The following MUC3A variants were observed in gnomAD, a reference collection of about 807,000 sequenced individuals.
MUC3A encodes mucin 3A, cell surface associated.
In MUC3A, 109 loss-of-function variants were observed where a neutral mutation model predicts 109.0. The observed-to-expected ratio is 1.00, with a 90% CI of 0.86 to 1.17. The LOEUF (loss-of-function observed/expected upper bound fraction) is 1.17. MUC3A is among the 50% of genes most tolerant of loss of function. MUC3A has a pLI of 0.00. For synonymous variants in MUC3A, 1,398 were observed against 981.4 expected (o/e 1.42, Z -7.93); for missense variants, 3,537 against 2,469.4 (o/e 1.43, Z -9.16).
At chr7:100,965,911 C>T (rs1563076325) in intron 8 of MUC3A, 45 bp downstream of exon 8, 1 of 1,552,874 alleles carries the variant, frequency 6.4e-7, no homozygotes, top group Non-Finnish European at 8.7e-7. Flanking sequence ...CCCTCCCACT[C>T]ATTCTAGGAT....
chr7:100,965,345 C>T lies in MUC3A; in HGVS notation c.9446C>T (p.Ala3149Val), dbSNP rs73714276. ...NNNSKTELTP[A>V]AICRRAAPTG... ...AACAGCAAGACAGAGCTGACCCCGG[C>T]AGGTAAGGGTGGGGTAAAGGGCTGA... The change falls in exon 7 of 12, where the codon GCA becomes GTA. Residue 3149 changes from alanine to valine, a missense_variant and splice_region_variant. Physicochemically the swap from Ala to Val is moderately conservative, Grantham distance 64. Coordinates refer to ENST00000379458, the MANE Select transcript of MUC3A (RefSeq NM_005960.2). The T allele has an allele frequency of 6.3e-7, 1 of 1,597,820 alleles. No homozygotes were observed. The highest frequency in any genetic ancestry group is 8.5e-7 in the Non-Finnish European group (1 of 1,179,262).
rs1185072197 is a variant in MUC3A, at chr7:100,957,879, G to A, written c.6100G>A (p.Glu2034Lys). ...PSLTSSITTTETTSHSTPSFT... is the reference protein window; with the variant it reads ...PSLTSSITTTKTTSHSTPSFT... Reference sequence around the variant, plus strand: ...CTTGACTTCTTCGATCACAACCACCGAGACCACATCCCATAGTACTCCCAG... The same window carrying A: ...CTTGACTTCTTCGATCACAACCACCAAGACCACATCCCATAGTACTCCCAG... Residue 2034 changes from glutamate (E) to lysine (K), a missense_variant, in exon 2 of 12, where the codon GAG becomes AAG. By Grantham distance (56) the Glu-to-Lys change is moderately conservative. Coordinates refer to ENST00000379458, the MANE Select transcript of MUC3A (RefSeq NM_005960.2). 6.2e-4 allele frequency: 331 copies of A among 530,628 alleles called. 2 individuals carry two copies. The African/African-American group carries it at 0.016, about 25-fold the overall frequency. The allele number at this position is 530,628 out of a possible 1,614,324, so 32.9% of individuals were successfully genotyped here.
In MUC3A at chr7:100,952,159, A is replaced by T. The variant is rs185426475; in HGVS notation, c.380A>T (p.Glu127Val). 387 of 1,598,468 alleles carry T rather than the reference A, an allele frequency of 2.4e-4. No homozygotes were observed. The East Asian group carries it at 6.9e-3, about 28-fold the overall frequency. The change falls in exon 2 of 12, where the codon GAG (glutamate) becomes GTG (valine). Residue 127 changes from glutamate (E) to valine (V), a missense_variant. Transcript: ENST00000379458. ...PTVLVYSATTECVYPTSFIIT... is the reference protein window; with the variant it reads ...PTVLVYSATTVCVYPTSFIIT... ...GTGTTGGTCTATTCAGCCACCACTG[A>T]GTGCGTGTATCCAACGAGCTTTATA...
intron 11 of MUC3A, 40 bp downstream of exon 11, chr7:100,966,991 G>A (rs1792605739): frequency 2.5e-6 from 4 of 1,598,420 alleles, no homozygotes; most frequent in African/African-American, 1.3e-5. Flanking sequence ...AACTCTCCCA[G>A]CCTCCATTCC....
chr7:100,966,268 A>AAC (rs1554461186), intron 8 of MUC3A, 118 bp from the exon 9 acceptor site: 3 of 825,016 alleles, frequency 3.6e-6, no homozygotes, highest in Non-Finnish European at 4.4e-6. Context: ...TCTAGGGTGG[A>AAC]ACCCCCCGCT....
chr7:100,966,130 T>C (rs1166865847), intron 8 of MUC3A: 1 of 542,380 alleles, frequency 1.8e-6, no homozygotes, highest in East Asian at 3.5e-5. Flanking sequence ...GCCTCCTCGT[T>C]CTAGGGTTGA....
Position 100,960,100 on chromosome 7 carries a change from C to T in MUC3A, c.8321C>T (p.Thr2774Ile), listed in dbSNP as rs777227736. 8.5e-6 allele frequency: 13 copies of T among 1,526,938 alleles called. No homozygotes were observed. The highest frequency in any genetic ancestry group is 1.1e-5 in the Non-Finnish European group (13 of 1,146,020). The allele number at this position is 1,526,938 out of a possible 1,614,324, so 94.6% of individuals were successfully genotyped here. A position where few individuals can be genotyped will look rare whatever the true frequency, so the allele number is the denominator to read the frequency against. ...PSTTPCPGTI[T>I]ITIVPASPTD... ...ACCACACCCTGTCCAGGAACTATAA[C>T]AATTACCATAGTCCCTGCCTCCCCC... The change falls in exon 2 of 12, where the codon ACA (threonine) becomes ATA (isoleucine). Residue 2774 changes from threonine to isoleucine, a missense_variant. Transcript: ENST00000379458.
At chr7:100,966,049 T>TCGCCCTAAAGTGTAGCCCCGCCTCA in intron 8 of MUC3A, 183 bp downstream of exon 8, 2 of 855,048 alleles carry the variant, frequency 2.3e-6, no homozygotes, top group Non-Finnish European at 3.4e-6. Flanking sequence ...GCTCTGCTCC[T>TCGCCCTAAAGTGTAGCCCCGCCTCA]TTGATGGGGT....
Position 100,952,321 on chromosome 7 carries a change from A to G in MUC3A, c.542A>G (p.Lys181Arg), listed in dbSNP as rs1387027699. The change falls in exon 2 of 12, where the codon AAA becomes AGA. Residue 181 changes from lysine (K) to arginine (R), a missense_variant. Transcript: ENST00000379458. The stretch of plus-strand genomic sequence containing the variant: ...ACTTACTCTATGACCACTACTGAGA[A>G]AGGAACGTCAGCCATGACATCTTCT... Reference protein sequence around the residue: ...TSTYSMTTTEKGTSAMTSSPS... With the variant: ...TSTYSMTTTERGTSAMTSSPS... The G allele has an allele frequency of 6.3e-7, 1 of 1,598,544 alleles. No individual in the cohort carries two copies. The highest frequency in any genetic ancestry group is 1.7e-5 in the Admixed American group (1 of 60,030).
At position 100,958,554 on chromosome 7, in the gene MUC3A, T is replaced by C; in HGVS notation, c.6775T>C (p.Ser2259Pro). ...TSHSTPSFTS[S>P]ITTTETTSHD... The stretch of plus-strand genomic sequence containing the variant: ...CCACAGTACTCCCAGCTTCACTTCT[T>C]CGATCACCACCACTGAGACCACCTC... The change falls in exon 2 of 12, where the codon TCG (serine) becomes CCG (proline). Residue 2259 changes from serine to proline, a missense_variant. Physicochemically the swap from Ser to Pro is moderately conservative, Grantham distance 74 (BLOSUM62 -1). Coordinates refer to ENST00000379458, the MANE Select transcript of MUC3A (RefSeq NM_005960.2). 1.4e-6 allele frequency: 2 copies of C among 1,406,830 alleles called. No individual in the cohort carries two copies. The highest frequency in any genetic ancestry group is 2.9e-5 in the African/African-American group (2 of 69,648). The allele number at this position is 1,406,830 out of a possible 1,614,324, so 87.1% of individuals were successfully genotyped here.
At position 100,953,120 on chromosome 7, in the gene MUC3A, A is replaced by G. The variant is rs1024558964; in HGVS notation, c.1341A>G (p.Thr447=). 6.8e-4 allele frequency: 525 copies of G among 776,548 alleles called. 2 individuals are homozygous for G. The highest frequency in any genetic ancestry group is 1.5e-3 in the Admixed American group (65 of 44,506). 48.1% of individuals were successfully genotyped at this position (776,548 alleles called of 1,614,324 possible). A position where few individuals can be genotyped will look rare whatever the true frequency, so the allele number is the denominator to read the frequency against. The change falls in exon 2 of 12, where the codon ACA becomes ACG. Residue 447 remains threonine (T), a synonymous_variant. Coordinates refer to ENST00000379458, the MANE Select transcript of MUC3A (RefSeq NM_005960.2). The part of the protein sequence containing the change: ...SSLSTDIPFT[T]PTTITHHSVG... Reference sequence around the variant, plus strand: ...TGAGTACAGACATCCCTTTCACAACACCAACAACTATCACCCACCATTCTG... The same window carrying G: ...TGAGTACAGACATCCCTTTCACAACGCCAACAACTATCACCCACCATTCTG...
rs752966996 is a variant in MUC3A at position 100,966,342 on chromosome 7, C to T, written c.9612-44C>T. On this transcript the variant is annotated intron_variant, in intron 8 of 11. Coordinates refer to ENST00000379458, the MANE Select transcript of MUC3A (RefSeq NM_005960.2). The stretch of plus-strand genomic sequence containing the variant: ...GGGGCCCAGGTGCACGGGTGGACCC[C>T]GAGCCCGGAGGTGAAGAGGGTCTGA... 41 of 1,284,296 alleles carry T rather than the reference C, an allele frequency of 3.2e-5. No homozygotes were observed. In the African/African-American group the frequency reaches 6.0e-4, roughly 19 times the overall value. The allele number at this position is 1,284,296 out of a possible 1,614,324, so 79.6% of individuals were successfully genotyped here. A position where few individuals can be genotyped will look rare whatever the true frequency, so the allele number is the denominator to read the frequency against.
chr7:100,961,093 C>G (rs925762793), intron 3 of MUC3A, 156 bp downstream of exon 3: 7 of 983,038 alleles, frequency 7.1e-6, no homozygotes, highest in Non-Finnish European at 8.5e-6. Context: ...TGCCCTGTGT[C>G]ATGCTCCTCT....
In MUC3A at chr7:100,957,871, CA is replaced by C. The variant is rs1792144163; in HGVS notation, c.6094del (p.Thr2032ProfsTer31). 1 of 413,488 alleles carries C rather than the reference CA, an allele frequency of 2.4e-6. No homozygotes were observed. Among genetic ancestry groups the C allele is most frequent in the African/African-American group, 2.9e-5 (1 of 34,526 alleles). 25.6% of individuals were successfully genotyped at this position (413,488 alleles called of 1,614,324 possible). ...ACTCCCAGCTTGACTTCTTCGATCACAACCACCGAGACCACATCCCATAGTA... is the reference window on the plus strand; with the variant it reads ...ACTCCCAGCTTGACTTCTTCGATCACACCACCGAGACCACATCCCATAGTA... ...HNTPSLTSSI[T>X]TTETTSHSTP... On this transcript the variant is annotated frameshift_variant, in exon 2 of 12. Transcript: ENST00000379458. LOFTEE classifies it high-confidence loss of function.
At position 100,958,295 on chromosome 7, in the gene MUC3A, A is replaced by G; in HGVS notation, c.6516A>G (p.Ser2172=). The G allele has an allele frequency of 2.8e-5, 3 of 108,524 alleles. No homozygotes were observed. Among genetic ancestry groups the G allele is most frequent in the South Asian group, 3.8e-4 (2 of 5,218 alleles). The allele number at this position is 108,524 out of a possible 1,614,324, so 6.7% of individuals were successfully genotyped here. A position where few individuals can be genotyped will look rare whatever the true frequency, so the allele number is the denominator to read the frequency against. ...TGATCACCACCACGGAGACCACCTC[A>G]CACAGGTGGGGGACCACCGAGACCA... is the stretch of plus-strand genomic sequence containing the variant. ...TSLITTTETT[S]HRWGTTETTS... Residue 2172 remains serine (S), a synonymous_variant, in exon 2 of 12, where the codon TCA becomes TCG. Coordinates refer to ENST00000379458, the MANE Select transcript of MUC3A (RefSeq NM_005960.2).
chr7:100,958,621 A>G lies in MUC3A; in HGVS notation c.6842A>G (p.Glu2281Gly), dbSNP rs748565629. 6.7e-7 allele frequency: 1 copy of G among 1,489,222 alleles called. No homozygotes were observed. The highest frequency in any genetic ancestry group is 9.2e-7 in the Non-Finnish European group (1 of 1,090,024). The allele number at this position is 1,489,222 out of a possible 1,614,324, so 92.3% of individuals were successfully genotyped here. The stretch of plus-strand genomic sequence containing the variant: ...TTCACTTCTTCAATCACCACCAGTG[A>G]GACCCCCTCACACAGTACTCCCAGC... ...PSFTSSITTS[E>G]TPSHSTPSST... The change falls in exon 2 of 12, where the codon GAG becomes GGG. Residue 2281 changes from glutamate (E) to glycine (G), a missense_variant. Glu to Gly is a moderately conservative substitution (Grantham distance 98). Coordinates refer to ENST00000379458, the MANE Select transcript of MUC3A (RefSeq NM_005960.2).
At chr7:100,962,424 A>G (rs1314402288) in intron 3 of MUC3A, among the ~76,000 whole-genome samples, 2 of 145,332 alleles carry the variant, frequency 1.4e-5, no homozygotes, top group South Asian at 4.1e-4. Flanking sequence ...TCTCAACAAT[A>G]AAAAAAAGTT....
rs1792088745 is a variant in MUC3A, at chr7:100,956,086, C to T, written c.4307C>T (p.Thr1436Ile). 1 of 439,912 alleles carries T rather than the reference C, an allele frequency of 2.3e-6. No individual in the cohort carries two copies. The highest frequency in any genetic ancestry group is 7.2e-5 in the South Asian group (1 of 13,850). 27.3% of individuals were successfully genotyped at this position (439,912 alleles called of 1,614,324 possible). A position where few individuals can be genotyped will look rare whatever the true frequency, so the allele number is the denominator to read the frequency against. The change falls in exon 2 of 12, where the codon ACC (threonine) becomes ATC (isoleucine). Residue 1436 changes from threonine (T) to isoleucine (I), a missense_variant. Physicochemically the swap from Thr to Ile is moderately conservative, Grantham distance 89 (BLOSUM62 -1). Coordinates refer to ENST00000379458, the MANE Select transcript of MUC3A (RefSeq NM_005960.2). Reference sequence around the variant, plus strand: ...AGCACAGAGGTGACCACCAGTCATACCACAAACACCAATCCTGTATCCACG... The same window carrying T: ...AGCACAGAGGTGACCACCAGTCATATCACAAACACCAATCCTGTATCCACG... Reference protein sequence around the residue: ...VPSTEVTTSHTTNTNPVSTLV... With the variant: ...VPSTEVTTSHITNTNPVSTLV...
intron 6 of MUC3A, 147 bp downstream of exon 6, chr7:100,964,990 G>GGCCA: frequency 7.6e-7 from 1 of 1,317,486 alleles, no homozygotes; most frequent in Non-Finnish European, 1.0e-6. Context: ...ACACAACGGT[G>GGCCA]TCAAGGGTGG....
Sources: allele counts gnomAD v4.1 joint callset (sites outside exome capture counted in the v4.1 genomes callset), GRCh38; gene constraint gnomAD v4.1.1; transcripts MANE v1.5; gene names NCBI Gene and HGNC (gene_info 2026-07-23, HGNC 2026-07-21).